The following GPHN variants were observed in gnomAD, a reference collection of about 807,000 sequenced individuals.
GPHN encodes gephyrin.
In GPHN, 17 loss-of-function variants were observed where a neutral mutation model predicts 95.5. That is an observed-to-expected ratio of 0.18 (90% CI 0.12 to 0.27). The LOEUF is 0.27. Among genes scored for constraint, GPHN ranks in the 10% least tolerant of loss-of-function variants. The probability of loss-of-function intolerance (pLI) is 1.00; values close to 1 mark genes in which losing one functional copy is unlikely to be tolerated. For synonymous variants in GPHN, 320 were observed against 322.5 expected, an observed-to-expected ratio of 0.99 and a Z score of 0.08; for missense variants, 660 against 978.1, an observed-to-expected ratio of 0.67 and a Z score of 4.34.
the GPHN span, among the ~76,000 whole-genome samples, chr14:67,483,427 C>A: frequency 6.6e-6 from 1 of 152,222 alleles, no homozygotes; most frequent in African/African-American, 2.4e-5. Flanking sequence ...TGACTGCAGG[C>A]TCCTCTGAGG....
At chr14:66,808,774 G>A (rs967067798) in intron 3 of GPHN, among the ~76,000 whole-genome samples, 16 of 152,120 alleles carry the variant, frequency 1.1e-4, no homozygotes, top group African/African-American at 3.9e-4. Flanking sequence ...TCCAGTCTGG[G>A]CAACATAGTG....
chr14:67,733,840 T>A, the GPHN span: 1 of 1,610,912 alleles, frequency 6.2e-7, no homozygotes, highest in East Asian at 2.2e-5. Context: ...AGGAATCCGG[T>A]GGGAGTAGCT....
At chr14:67,683,740 G>A in the GPHN span, among the ~76,000 whole-genome samples, 1 of 152,216 alleles carries the variant, frequency 6.6e-6, no homozygotes, top group African/African-American at 2.4e-5. Context: ...TGCCCCGGCT[G>A]GCTGACTGCC....
At chr14:66,701,783 G>C (rs900205571) in intron 2 of GPHN, among the ~76,000 whole-genome samples, 1 of 152,164 alleles carries the variant, frequency 6.6e-6, no homozygotes, top group Non-Finnish European at 1.5e-5. Flanking sequence ...CTCCTGGGGG[G>C]AGGGGCGACC....
chr14:67,704,157 G>A, the GPHN span, among the ~76,000 whole-genome samples: 64 of 152,278 alleles, frequency 4.2e-4, no homozygotes, highest in Admixed American at 5.9e-4. Flanking sequence ...GGAAATGTGT[G>A]TATTGTGAAA....
At chr14:67,283,237 T>C in the GPHN span, among the ~76,000 whole-genome samples, 1 of 152,164 alleles carries the variant, frequency 6.6e-6, no homozygotes, top group Non-Finnish European at 1.5e-5. Context: ...ATTAATAGCA[T>C]GTTTCAGTCT....
At chr14:67,185,429 A>T (rs2083363884), downstream of GPHN, among the ~76,000 whole-genome samples, 1 of 152,222 alleles carries the variant, frequency 6.6e-6, no homozygotes, top group South Asian at 2.1e-4. Context: ...GTTCAACAAA[A>T]TATTTCTACT....
intron 11 of GPHN, among the ~76,000 whole-genome samples, chr14:67,078,699 G>T (rs186584743): frequency 6.6e-6 from 1 of 152,100 alleles, no homozygotes; most frequent in African/African-American, 2.4e-5. Flanking sequence ...TGACTGGTTG[G>T]AAAAGCTAGA....
chr14:66,868,640 C>T (rs1480064730), intron 4 of GPHN, among the ~76,000 whole-genome samples: 1 of 152,142 alleles, frequency 6.6e-6, no homozygotes, highest in East Asian at 1.9e-4. Context: ...GTGATCCGCC[C>T]ACCTTGGCTT....
intron 1 of GPHN, among the ~76,000 whole-genome samples, chr14:66,588,581 G>T (rs1008515662): frequency 6.6e-5 from 10 of 152,004 alleles, no homozygotes; most frequent in African/African-American, 2.4e-4. Context: ...CAACAACTTT[G>T]TGAAGCATAC....
At chr14:66,924,032 T>C (rs2066350467) in intron 7 of GPHN, among the ~76,000 whole-genome samples, 162 bp from the exon 8 acceptor site, 1 of 152,206 alleles carries the variant, frequency 6.6e-6, no homozygotes, top group African/African-American at 2.4e-5. Context: ...GAGAAGCTTA[T>C]GGCATTTAAA....
intron 1 of GPHN, among the ~76,000 whole-genome samples, chr14:66,678,808 G>A (rs2066767036): frequency 6.6e-6 from 1 of 152,190 alleles, no homozygotes. Flanking sequence ...TTGCATTAGT[G>A]TAGTCTCTGT....
chr14:66,921,240 G>A (rs1309810513), intron 6 of GPHN, among the ~76,000 whole-genome samples: 1 of 152,032 alleles, frequency 6.6e-6, no homozygotes, highest in Non-Finnish European at 1.5e-5. Context: ...CCTGTTTACC[G>A]CATCCATGCC....
chr14:66,814,455 C>T (rs1302900918), intron 3 of GPHN, among the ~76,000 whole-genome samples: 6 of 152,192 alleles, frequency 3.9e-5, no homozygotes, highest in Non-Finnish European at 8.8e-5. Flanking sequence ...AACCCCAGCA[C>T]AATGGACTGA....
chr14:66,546,026 G>A (rs1476578028), intron 1 of GPHN, among the ~76,000 whole-genome samples: 1 of 150,714 alleles, frequency 6.6e-6, no homozygotes, highest in Non-Finnish European at 1.5e-5. Context: ...GGGCGGCCGG[G>A]CAGAGACGCT....
intron 3 of GPHN, among the ~76,000 whole-genome samples, chr14:66,777,426 C>G (rs1251136235): frequency 6.6e-6 from 1 of 152,168 alleles, no homozygotes; most frequent in African/African-American, 2.4e-5. Flanking sequence ...CCTTCTGAAA[C>G]TATCCCAATC....
chr14:66,910,806 T>C (rs1241933687), intron 5 of GPHN, among the ~76,000 whole-genome samples: 2 of 151,990 alleles, frequency 1.3e-5, no homozygotes, highest in Admixed American at 1.3e-4. Flanking sequence ...TTTTAAAAAA[T>C]GCTAGTTATG....
At chr14:66,835,597 G>A (rs1050766722) in intron 4 of GPHN, among the ~76,000 whole-genome samples, 36 of 151,802 alleles carry the variant, frequency 2.4e-4, no homozygotes, top group Admixed American at 7.2e-4. Context: ...TCTGGCCAGG[G>A]CAATTAGGCA....
the GPHN span, among the ~76,000 whole-genome samples, chr14:67,444,439 TC>T: frequency 7.2e-5 from 11 of 152,198 alleles, no homozygotes; most frequent in African/African-American, 2.2e-4. Context: ...TGAGCTATAA[TC>T]ATCCCAGCCA....
Sources: allele counts gnomAD v4.1 joint callset (sites outside exome capture counted in the v4.1 genomes callset), GRCh38; gene constraint gnomAD v4.1.1; transcripts MANE v1.5; gene names NCBI Gene and HGNC (gene_info 2026-07-23, HGNC 2026-07-21).